The following SGK3 variants were observed in gnomAD, a reference collection of about 807,000 sequenced individuals.
The protein encoded by SGK3 is serum/glucocorticoid regulated kinase family member 3.
A neutral mutation model predicts 68.5 loss-of-function variants in SGK3; 47 were observed. That is an observed-to-expected ratio of 0.69 (90% CI 0.54 to 0.87). The LOEUF (loss-of-function observed/expected upper bound fraction) is 0.87, where lower values mean the gene tolerates loss of function less well. Among genes scored for constraint, SGK3 ranks in the 40% least tolerant of loss-of-function variants. The pLI is 0.00. For synonymous variants in SGK3, 181 were observed against 189.1 expected (o/e 0.96, Z 0.35); for missense variants, 479 against 575.5 (o/e 0.83, Z 1.72).
intron 1 of SGK3, among the ~76,000 whole-genome samples, chr8:66,751,581 G>A (rs1196863449): frequency 6.6e-6 from 1 of 151,730 alleles, no homozygotes; most frequent in African/African-American, 2.4e-5. Context: ...TTATAAATAT[G>A]GTATGACATT....
intron 3 of SGK3, 88 bp downstream of exon 3, chr8:66,798,713 A>G: frequency 4.4e-6 from 5 of 1,135,600 alleles, no homozygotes; most frequent in Non-Finnish European, 6.2e-6. Context: ...GATTAAATTG[A>G]TACTCATATG....
intron 6 of SGK3, among the ~76,000 whole-genome samples, chr8:66,828,351 C>T (rs1563649077): frequency 6.6e-6 from 1 of 152,150 alleles, no homozygotes; most frequent in African/African-American, 2.4e-5. Flanking sequence ...GTTGCAATAC[C>T]CACCTCCTCA....
At chr8:66,835,419 CCATGAAGTTT>C (rs1809482505) in intron 8 of SGK3, among the ~76,000 whole-genome samples, 1 of 152,098 alleles carries the variant, frequency 6.6e-6, no homozygotes, top group African/African-American at 2.4e-5. Context: ...GTTAATGTAG[CCATGAAGTTT>C]ATAACAATAT....
chr8:66,727,111 G>T (rs78184131), intron 1 of SGK3, among the ~76,000 whole-genome samples: 4,172 of 151,508 alleles, frequency 0.028, 181 homozygotes, highest in African/African-American at 0.095. Context: ...ATTCCTTTTT[G>T]TTTTTTTTGA....
intron 4 of SGK3, among the ~76,000 whole-genome samples, chr8:66,805,534 A>G (rs1808122835): frequency 6.6e-6 from 1 of 151,892 alleles, no homozygotes; most frequent in African/African-American, 2.4e-5. Flanking sequence ...AAAAAAAAAA[A>G]AAAGAGAGAG....
chr8:66,821,585 T>C (rs1217198602), intron 5 of SGK3, among the ~76,000 whole-genome samples: 1 of 151,368 alleles, frequency 6.6e-6, no homozygotes, highest in Non-Finnish European at 1.5e-5. Context: ...CAATCTCGGC[T>C]CACTGCAAGC....
chr8:66,767,685 T>G (rs1301512413), intron 1 of SGK3: 1 of 1,422,382 alleles, frequency 7.0e-7, no homozygotes, highest in Non-Finnish European at 9.9e-7. Flanking sequence ...AGCCATCATC[T>G]GAGGCAGGAA....
intron 1 of SGK3, among the ~76,000 whole-genome samples, chr8:66,738,877 G>A (rs926197437): frequency 1.3e-5 from 2 of 152,102 alleles, no homozygotes; most frequent in Non-Finnish European, 2.9e-5. Flanking sequence ...TGATCTGCCT[G>A]CCTTGGCCTC....
At chr8:66,752,008 G>A (rs920394321) in intron 1 of SGK3, among the ~76,000 whole-genome samples, 58 of 151,956 alleles carry the variant, frequency 3.8e-4, no homozygotes, top group Non-Finnish European at 7.9e-4. Flanking sequence ...CAGGTGATTC[G>A]CCCACCTCGG....
intron 1 of SGK3, among the ~76,000 whole-genome samples, chr8:66,738,161 T>G (rs763652796): frequency 2.0e-5 from 3 of 152,212 alleles, no homozygotes; most frequent in Admixed American, 1.3e-4. Flanking sequence ...TCTAGACTTC[T>G]TGGTCTCCTT....
intron 1 of SGK3, among the ~76,000 whole-genome samples, chr8:66,721,846 G>A (rs575670702): frequency 1.9e-4 from 29 of 152,214 alleles, no homozygotes; most frequent in African/African-American, 5.8e-4. Context: ...TATATGCAAA[G>A]TTCTATCAGG....
chr8:66,833,261 C>T (rs1033936973), intron 8 of SGK3, among the ~76,000 whole-genome samples: 1 of 152,174 alleles, frequency 6.6e-6, no homozygotes, highest in Non-Finnish European at 1.5e-5. Context: ...CTGCCTCGGC[C>T]TCCCAAAGTG....
chr8:66,744,843 G>C (rs902877517), intron 1 of SGK3, among the ~76,000 whole-genome samples: 4 of 150,664 alleles, frequency 2.7e-5, no homozygotes, highest in Admixed American at 2.0e-4. Flanking sequence ...GTTGTGTGTG[G>C]GACCTTTTGG....
At chr8:66,734,593 T>G (rs1238916514) in intron 1 of SGK3, among the ~76,000 whole-genome samples, 12 of 152,124 alleles carry the variant, frequency 7.9e-5, no homozygotes, top group Admixed American at 7.9e-4. Context: ...TACACAGTAC[T>G]CCCCCTTATC....
In SGK3 at chr8:66,847,334, G is replaced by T; in HGVS notation, c.1216G>T (p.Ala406Ser). The T allele has an allele frequency of 6.2e-7, 1 of 1,613,680 alleles. No individual in the cohort carries two copies. The highest frequency in any genetic ancestry group is 1.1e-5 in the South Asian group (1 of 90,932). ...LEKDRQNRLG[A>S]KEDFLEIQNH... ...AAAAGACAGGCAAAATCGACTTGGTGCCAAGGAAGACTTTGTATGTAACAG... is the reference window on the plus strand; with the variant it reads ...AAAAGACAGGCAAAATCGACTTGGTTCCAAGGAAGACTTTGTATGTAACAG... The change falls in exon 15 of 17, where the codon GCC (alanine) becomes TCC (serine). Residue 406 changes from alanine to serine, a missense_variant. By Grantham distance (99) the Ala-to-Ser change is moderately conservative (BLOSUM62 1). Transcript: ENST00000521198.
chr8:66,812,184 A>AT (rs1247111623), intron 4 of SGK3, among the ~76,000 whole-genome samples: 1 of 152,158 alleles, frequency 6.6e-6, no homozygotes, highest in East Asian at 1.9e-4. Context: ...CAAGTGGAAT[A>AT]TTTTTTATGG....
At chr8:66,829,919 C>T (rs1036920218) in intron 7 of SGK3, among the ~76,000 whole-genome samples, 5 of 147,760 alleles carry the variant, frequency 3.4e-5, no homozygotes, top group African/African-American at 1.0e-4. Context: ...GTCGCCTAGG[C>T]GGGAGTCCAG....
chr8:66,810,918 G>A (rs79976117), intron 4 of SGK3, among the ~76,000 whole-genome samples: 3,746 of 152,172 alleles, frequency 0.025, 158 homozygotes, highest in African/African-American at 0.084. Context: ...CTTGAAGGCT[G>A]ATTTTAAGAA....
chr8:66,840,599 C>A (rs6992429), intron 12 of SGK3: 3,390 of 226,180 alleles, frequency 0.015, 120 homozygotes, highest in African/African-American at 0.07. Flanking sequence ...ACAATTTCCT[C>A]TGTATACTAT....
Sources: gnomAD v4.1 joint callset for allele counts (sites outside exome capture counted in the v4.1 genomes callset) on GRCh38, gnomAD v4.1.1 for gene constraint, MANE v1.5 for transcripts, NCBI Gene and HGNC (gene_info 2026-07-23, HGNC 2026-07-21) for gene names.